The following RXRA variants were observed in gnomAD, a reference collection of about 807,000 sequenced individuals.
The protein encoded by RXRA is retinoic acid receptor RXR-alpha.
A neutral mutation model predicts 44.5 loss-of-function variants in RXRA; 5 were observed. That is an observed-to-expected ratio of 0.11 (90% CI 0.06 to 0.24). The LOEUF (loss-of-function observed/expected upper bound fraction) is 0.24. RXRA is among the 10% of genes least tolerant of loss of function. The pLI, the probability that RXRA is intolerant of heterozygous loss-of-function variation, is 1.00. For synonymous variants in RXRA, 291 were observed against 271.4 expected (o/e 1.07, Z -0.71); for missense variants, 412 against 646.5 (o/e 0.64, Z 3.93).
At chr9:134,434,861 C>CGGGGGGGGGGG (rs1381823847) in intron 9 of RXRA, among the ~76,000 whole-genome samples, 1 of 101,822 alleles carries the variant, frequency 9.8e-6, no homozygotes, top group African/African-American at 5.1e-5. Flanking sequence ...GACTGTGGGG[C>CGGGGGGGGGGG]GGGGAGGGGG....
chr9:134,383,801 G>T (rs1830680581), intron 1 of RXRA, among the ~76,000 whole-genome samples: 1 of 152,168 alleles, frequency 6.6e-6, no homozygotes, highest in Non-Finnish European at 1.5e-5. Context: ...ACCGTCCCAT[G>T]CCCTTGTCCA....
intron 1 of RXRA, among the ~76,000 whole-genome samples, chr9:134,382,066 G>A (rs535602039): frequency 4.0e-4 from 61 of 152,256 alleles, no homozygotes; most frequent in African/African-American, 1.4e-3. Flanking sequence ...TGGGCACTTT[G>A]GTCTCTGTAA....
chr9:134,339,656 T>TGCCTGTGTGTGTGTGA (rs1460278972), intron 1 of RXRA, among the ~76,000 whole-genome samples: 2 of 148,822 alleles, frequency 1.3e-5, no homozygotes, highest in Admixed American at 1.3e-4. Context: ...TCTGTGTGTG[T>TGCCTGTGTGTGTGTGA]GCCTGTGTGT....
intron 1 of RXRA, among the ~76,000 whole-genome samples, chr9:134,386,211 G>T (rs549983730): frequency 6.6e-6 from 1 of 152,226 alleles, no homozygotes; most frequent in African/African-American, 2.4e-5. Flanking sequence ...CTTCCTGCCC[G>T]CTCAGCCGCC....
At chr9:134,423,000 C>G (rs1009393197) in intron 6 of RXRA, 6 of 985,390 alleles carry the variant, frequency 6.1e-6, no homozygotes, top group Non-Finnish European at 6.0e-6. Flanking sequence ...ATCACACTCC[C>G]CGTGATGCCA....
At chr9:134,403,288 T>C (rs1265143465) in intron 2 of RXRA, 1 of 152,284 alleles carries the variant, frequency 6.6e-6, no homozygotes, top group Non-Finnish European at 1.5e-5. Flanking sequence ...GGGGGATGTG[T>C]GCAGAAGAAC....
chr9:134,354,301 C>T (rs142342613), intron 1 of RXRA, among the ~76,000 whole-genome samples: 5 of 152,310 alleles, frequency 3.3e-5, no homozygotes, highest in African/African-American at 7.2e-5. Flanking sequence ...AGCTTAGTAC[C>T]GCAGCTGCGT....
At chr9:134,423,555 T>G in intron 6 of RXRA, 2 of 985,426 alleles carry the variant, frequency 2.0e-6, no homozygotes, top group Non-Finnish European at 2.4e-6. Flanking sequence ...GGAAGGACTC[T>G]TCTGGCCATA....
chr9:134,431,549 C>T (rs936982143), intron 7 of RXRA, among the ~76,000 whole-genome samples: 5 of 152,258 alleles, frequency 3.3e-5, no homozygotes, highest in Admixed American at 6.5e-5. Flanking sequence ...TCACTGGGTT[C>T]GGGAGGGGTG....
rs782054403 is a variant in RXRA at position 134,343,604 on chromosome 9, G to A, written c.28+16945G>A. On this transcript the variant is annotated intron_variant, in intron 1 of 9. Transcript: ENST00000481739. The surrounding 1 kb of genome is among the most constrained non-coding windows in gnomAD (Gnocchi z 4.1). ...GGCCAGGAAGCGAGACCAGTCACTG[G>A]GTGCAACCTTGACATAGGCTTGAGG... Among the ~76,000 whole-genome samples, 1 of 152,068 alleles carries A rather than the reference G, an allele frequency of 6.6e-6. No individual in the cohort carries two copies. Among genetic ancestry groups the A allele is most frequent in the African/African-American group, 2.4e-5 (1 of 41,392 alleles).
intron 1 of RXRA, among the ~76,000 whole-genome samples, chr9:134,396,976 C>T (rs141285804): frequency 2.6e-5 from 4 of 152,336 alleles, no homozygotes; most frequent in East Asian, 3.9e-4. Context: ...GGCTCACCCC[C>T]GCCCCCACCA....
chr9:134,337,833 C>T (rs1209783794), intron 1 of RXRA, among the ~76,000 whole-genome samples: 8 of 152,162 alleles, frequency 5.3e-5, no homozygotes, highest in Non-Finnish European at 1.2e-4. Context: ...TCTTGGATGT[C>T]CTCGGAGCAG....
intron 1 of RXRA, among the ~76,000 whole-genome samples, chr9:134,346,395 C>T (rs1255702505): frequency 1.3e-5 from 2 of 152,188 alleles, no homozygotes; most frequent in African/African-American, 2.4e-5. Context: ...CCTCGGCTGT[C>T]GGCTCATCCA....
At position 134,419,613 on chromosome 9, in the gene RXRA, C is replaced by T. The variant is rs540292246; in HGVS notation, c.781-2063C>T. 5.3e-5 allele frequency among the ~76,000 whole-genome samples: 8 copies of T among 152,342 alleles called. No homozygotes were observed. The East Asian group carries it at 1.2e-3, about 22-fold the overall frequency. On this transcript the variant is annotated intron_variant, in intron 5 of 9. Coordinates refer to ENST00000481739, the MANE Select transcript of RXRA (RefSeq NM_002957.6). ...GTCCTGGTGCCTGGTTTCTCCCCAG[C>T]GCGGGGCAGGGCCTGGGCGGGTCCT...
At chr9:134,411,931 C>T (rs1831155531) in intron 4 of RXRA, among the ~76,000 whole-genome samples, 1 of 152,148 alleles carries the variant, frequency 6.6e-6, no homozygotes, top group African/African-American at 2.4e-5. Flanking sequence ...GCCCCTGGTG[C>T]AGCCCAGGCA....
chr9:134,336,060 G>C (rs112479926), intron 1 of RXRA, among the ~76,000 whole-genome samples: 3 of 152,174 alleles, frequency 2.0e-5, no homozygotes, highest in African/African-American at 7.2e-5. Flanking sequence ...ACCCCTTCAT[G>C]GACTTTCTGC....
intron 1 of RXRA, among the ~76,000 whole-genome samples, chr9:134,345,938 A>T (rs549500064): frequency 1.3e-5 from 2 of 151,950 alleles, no homozygotes; most frequent in African/African-American, 4.8e-5. Flanking sequence ...GCCCTCCTTG[A>T]TTTCCCCATT....
intron 7 of RXRA, 46 bp from the exon 8 acceptor site, chr9:134,431,859 G>A: frequency 6.8e-7 from 1 of 1,479,734 alleles, no homozygotes; most frequent in South Asian, 1.1e-5. Context: ...CCCTGGTGAG[G>A]GCTGCGACCT....
chr9:134,352,029 A>T (rs1830227767), intron 1 of RXRA, among the ~76,000 whole-genome samples: 1 of 152,174 alleles, frequency 6.6e-6, no homozygotes, highest in African/African-American at 2.4e-5. Context: ...ATGGTGCTGG[A>T]GCCAGAGGGC....
Sources: gnomAD v4.1 joint callset for allele counts (sites outside exome capture counted in the v4.1 genomes callset) on GRCh38, gnomAD v4.1.1 for gene constraint, Gnocchi (gnomAD v3.1) non-coding constraint, MANE v1.5 for transcripts, NCBI Gene and HGNC (gene_info 2026-07-23, HGNC 2026-07-21) for gene names.